The following LMX1B variants were observed in gnomAD, a reference collection of about 807,000 sequenced individuals.
The protein encoded by LMX1B is LIM homeobox transcription factor 1 beta, also known as LIM homeobox transcription factor 1-beta.
LMX1B carries 12 observed loss-of-function variants against 51.4 expected under a neutral mutation model. The observed-to-expected ratio is 0.23, with a 90% CI of 0.15 to 0.38. LMX1B has a LOEUF of 0.38. Ranked by LOEUF, LMX1B falls within the 10% of genes least tolerant of loss-of-function variation. LMX1B has a pLI of 1.00. For synonymous variants in LMX1B, 237 were observed against 235.4 expected, an observed-to-expected ratio of 1.01 and a Z score of -0.06; for missense variants, 445 against 571.1, an observed-to-expected ratio of 0.78 and a Z score of 2.25.
intron 2 of LMX1B, among the ~76,000 whole-genome samples, chr9:126,656,836 A>T (rs537125148): frequency 3.1e-4 from 47 of 152,332 alleles, no homozygotes; most frequent in Non-Finnish European, 5.1e-4. Flanking sequence ...TGCCACTGGC[A>T]CCGCATCCCC....
At chr9:126,672,746 G>T (rs1564162588) in intron 2 of LMX1B, among the ~76,000 whole-genome samples, 1 of 152,206 alleles carries the variant, frequency 6.6e-6, no homozygotes, top group Non-Finnish European at 1.5e-5. Context: ...ACAGTCCAGG[G>T]CCTGGCCTTA....
intron 2 of LMX1B, among the ~76,000 whole-genome samples, chr9:126,652,045 C>T (rs4072289): frequency 0.39 from 58,885 of 151,190 alleles, 11,739 homozygotes; most frequent in East Asian, 0.57. Flanking sequence ...GCTTGGGGGT[C>T]CCAACAGCCA....
Position 126,695,942 on chromosome 9 carries a change from C to T in LMX1B, c.990C>T (p.Ser330=), listed in dbSNP as rs771173837. The T allele has an allele frequency of 1.5e-5, 25 of 1,613,110 alleles. No individual in the cohort carries two copies. The highest frequency in any genetic ancestry group is 5.0e-5 in the Admixed American group (3 of 59,964). The change falls in exon 7 of 8, where the codon AGC becomes AGT. Residue 330 remains serine (S), a synonymous_variant. Transcript: ENST00000373474. The surrounding 1 kb of genome is among the most constrained non-coding windows in gnomAD (Gnocchi z 5.2). The part of the protein sequence containing the change: ...VAMEQSPYGS[S]DPFQQGLTPP... Reference sequence around the variant, plus strand: ...TGGAACAGAGCCCCTACGGCAGCAGCGACCCCTTCCAGCAGGGCCTCACGC... The same window carrying T: ...TGGAACAGAGCCCCTACGGCAGCAGTGACCCCTTCCAGCAGGGCCTCACGC...
chr9:126,615,591 TC>T lies in LMX1B; in HGVS notation c.326+26del. On this transcript the variant is annotated intron_variant, in intron 2 of 7. Coordinates refer to ENST00000373474, the MANE Select transcript of LMX1B (RefSeq NM_001174147.2). This position sits in a 1 kb window ranked among gnomAD's most constrained non-coding sequence, Gnocchi z 6.0. ...AACAGTAAGCGCTTCTCGTCCTCCT[TC>T]CCCGCCACCGCCCGGCACTCGAGCC... The T allele has an allele frequency of 6.3e-7, 1 of 1,586,702 alleles. No homozygotes were observed. Among genetic ancestry groups the T allele is most frequent in the Non-Finnish European group, 8.6e-7 (1 of 1,166,928 alleles).
Position 126,695,416 on chromosome 9 carries a change from C to T in LMX1B, c.887-423C>T, listed in dbSNP as rs2030290336. Among the ~76,000 whole-genome samples, 1 of 152,240 alleles carries T rather than the reference C, an allele frequency of 6.6e-6. No homozygotes were observed. The highest frequency in any genetic ancestry group is 2.4e-5 in the African/African-American group (1 of 41,460). On this transcript the variant is annotated intron_variant, in intron 6 of 7. Transcript: ENST00000373474. This position sits in a 1 kb window ranked among gnomAD's most constrained non-coding sequence, Gnocchi z 5.2. ...TTTGCCGCCCCTCAGCCTGGCTTGC[C>T]TCCCCTGCTCTGGCCTGTTGAGCCC...
At chr9:126,684,201 G>T (rs550724639) in intron 2 of LMX1B, among the ~76,000 whole-genome samples, 2 of 152,302 alleles carry the variant, frequency 1.3e-5, no homozygotes, top group East Asian at 3.9e-4. Context: ...GCTTGGGCAT[G>T]GAGAGGCCCT....
chr9:126,686,219 G>T (rs1836764985), intron 2 of LMX1B, among the ~76,000 whole-genome samples: 1 of 149,146 alleles, frequency 6.7e-6, no homozygotes, highest in African/African-American at 2.5e-5. Flanking sequence ...GGCGGAGCTT[G>T]CAGTGAGCCG....
intron 2 of LMX1B, among the ~76,000 whole-genome samples, chr9:126,619,238 G>C (rs1430833562): frequency 6.6e-6 from 1 of 152,186 alleles, no homozygotes; most frequent in Non-Finnish European, 1.5e-5. Context: ...CCTTTCCTTG[G>C]AAGTGTTTAC....
intron 2 of LMX1B, among the ~76,000 whole-genome samples, chr9:126,678,892 TTCCAGAAAACACTTGCTCAAAGA>T (rs1188219229): frequency 1.3e-5 from 2 of 152,254 alleles, no homozygotes; most frequent in Non-Finnish European, 1.5e-5. Context: ...ATGGAGTTTG[TTCCAGAAAACACTTGCTCAAAGA>T]AAGTTTATTA....
chr9:126,628,481 C>T (rs968298834), intron 2 of LMX1B, among the ~76,000 whole-genome samples: 16 of 152,184 alleles, frequency 1.1e-4, no homozygotes, highest in Non-Finnish European at 2.2e-4. Flanking sequence ...CAGGAGAGGC[C>T]GCCAGCAACA....
chr9:126,687,261 C>A (rs2029932991), intron 2 of LMX1B, among the ~76,000 whole-genome samples: 1 of 151,432 alleles, frequency 6.6e-6, no homozygotes, highest in African/African-American at 2.4e-5. Flanking sequence ...CGGAGTCTCT[C>A]TCTGTCGCCC....
intron 2 of LMX1B, among the ~76,000 whole-genome samples, chr9:126,672,166 C>G (rs1836471161): frequency 6.6e-6 from 1 of 152,244 alleles, no homozygotes; most frequent in Admixed American, 6.5e-5. Context: ...GGAGGCCATC[C>G]TGGCTGGCCC....
rs886770214 is a variant in LMX1B at position 126,616,691 on chromosome 9, C to T, written c.326+1122C>T. On this transcript the variant is annotated intron_variant, in intron 2 of 7. Coordinates refer to ENST00000373474, the MANE Select transcript of LMX1B (RefSeq NM_001174147.2). ...TCCAGGGAAGGAAAAGCTGGGCTGC[C>T]GGCGCCTCGTGGTGAGTGCAACCTA... Among the ~76,000 whole-genome samples, 10 of 152,182 alleles carry T rather than the reference C, an allele frequency of 6.6e-5. 1 individual carries two copies. The South Asian group carries it at 8.3e-4, about 13-fold the overall frequency.
chr9:126,697,383 G>T lies in LMX1B; in HGVS notation c.*932G>T, dbSNP rs28687510. On this transcript the variant is annotated 3_prime_UTR_variant, in exon 8 of 8. Transcript: ENST00000373474. The stretch of plus-strand genomic sequence containing the variant: ...TCAGACCAGACAACAGAGCCTCCAG[G>T]GGTCAGGGACTTCAGAAGCACCTGC... 27,785 of 152,222 alleles carry T rather than the reference G, an allele frequency of 0.18. 3,269 individuals are homozygous for T. Among genetic ancestry groups the T allele is most frequent in the East Asian group, 0.35 (1,805 of 5,148 alleles). 9.4% of individuals were successfully genotyped at this position (152,222 alleles called of 1,614,324 possible). A position where few individuals can be genotyped will look rare whatever the true frequency, so the allele number is the denominator to read the frequency against.
At chr9:126,681,091 G>T (rs966629876) in intron 2 of LMX1B, among the ~76,000 whole-genome samples, 1 of 152,138 alleles carries the variant, frequency 6.6e-6, no homozygotes, top group African/African-American at 2.4e-5. Flanking sequence ...GAGCCCCAAA[G>T]GTGGGAAACC....
intron 2 of LMX1B, among the ~76,000 whole-genome samples, chr9:126,616,824 GCA>G (rs1022112006): frequency 1.9e-4 from 29 of 152,230 alleles, no homozygotes; most frequent in Non-Finnish European, 3.1e-4. Flanking sequence ...CCTAGAGAGG[GCA>G]TCGGATTCTA....
intron 2 of LMX1B, among the ~76,000 whole-genome samples, chr9:126,659,651 G>A (rs138581094): frequency 6.6e-6 from 1 of 152,112 alleles, no homozygotes; most frequent in Non-Finnish European, 1.5e-5. Context: ...ACTAGCCTTA[G>A]AGATTGTCCT....
At position 126,696,650 on chromosome 9, in the gene LMX1B, G is replaced by A; in HGVS notation, c.*199G>A. ...GTAGATGGGCACAGCCTGGGCAGGGGCTGTGTCCTGCCCACAGAGACCTTG... is the reference window on the plus strand; with the variant it reads ...GTAGATGGGCACAGCCTGGGCAGGGACTGTGTCCTGCCCACAGAGACCTTG... On this transcript the variant is annotated 3_prime_UTR_variant, in exon 8 of 8. Coordinates refer to ENST00000373474, the MANE Select transcript of LMX1B (RefSeq NM_001174147.2). 9.8e-6 allele frequency: 6 copies of A among 613,276 alleles called. No individual in the cohort carries two copies. The highest frequency in any genetic ancestry group is 1.7e-5 in the Non-Finnish European group (6 of 348,630). 38.0% of individuals were successfully genotyped at this position (613,276 alleles called of 1,614,324 possible).
chr9:126,650,671 C>T (rs914740497), intron 2 of LMX1B, among the ~76,000 whole-genome samples: 1 of 152,242 alleles, frequency 6.6e-6, no homozygotes, highest in Non-Finnish European at 1.5e-5. Flanking sequence ...TCAGGCCAGC[C>T]CCTCTCCCTT....
Sources: allele counts gnomAD v4.1 joint callset (sites outside exome capture counted in the v4.1 genomes callset), GRCh38; gene constraint gnomAD v4.1.1; non-coding constraint Gnocchi (gnomAD v3.1); transcripts MANE v1.5; gene names NCBI Gene and HGNC (gene_info 2026-07-23, HGNC 2026-07-21).